B4GALT1: variants seen among roughly 807,000 people sequenced by gnomAD.
The protein encoded by B4GALT1 is N-acetyllactosamine synthase.
B4GALT1 carries 16 observed loss-of-function variants against 34.9 expected under a neutral mutation model. The observed-to-expected ratio is 0.46, with a 90% confidence interval of 0.31 to 0.70. The LOEUF is 0.70. Ranked by LOEUF, B4GALT1 falls within the 30% of genes least tolerant of loss-of-function variation. B4GALT1 has a pLI of 0.05. For missense variants in B4GALT1, 445 were observed against 530.5 expected, an observed-to-expected ratio of 0.84 and a Z score of 1.58; for synonymous variants, 221 against 218.1, an observed-to-expected ratio of 1.01 and a Z score of -0.12.
Position 33,147,198 on chromosome 9 carries a change from T to C in B4GALT1, c.413-11774A>G, listed in dbSNP as rs570546451. Among the ~76,000 whole-genome samples the C allele has an allele frequency of 1.4e-3, 210 of 151,868 alleles. 1 individual carries two copies. Among genetic ancestry groups the C allele is most frequent in the Non-Finnish European group, 2.5e-3 (170 of 67,926 alleles). ...GACATACATTTGCTGAATACAAGAA[T>C]AATATTTGTATGTAGACCTCACACT... On this transcript the variant is annotated intron_variant, in intron 1 of 5. Coordinates refer to ENST00000379731, the MANE Select transcript of B4GALT1 (RefSeq NM_001497.4).
the B4GALT1 span, among the ~76,000 whole-genome samples, chr9:33,172,919 G>A: frequency 2.0e-5 from 3 of 150,424 alleles, no homozygotes; most frequent in African/African-American, 7.4e-5. Flanking sequence ...AGCCCAACCA[G>A]GATAGGGAGG....
chr9:33,168,466 A>G (rs1373198309), upstream of B4GALT1, among the ~76,000 whole-genome samples: 1 of 152,200 alleles, frequency 6.6e-6, no homozygotes, highest in African/African-American at 2.4e-5. Context: ...AACAGTAGCT[A>G]CCTTATTTTG....
chr9:33,120,667 CAG>C, intron 2 of B4GALT1, 61 bp from the exon 3 acceptor site: 1 of 1,561,744 alleles, frequency 6.4e-7, no homozygotes. Flanking sequence ...CAAACACTCA[CAG>C]GGACTGGTGA....
intron 2 of B4GALT1, among the ~76,000 whole-genome samples, chr9:33,105,203 A>T (rs1839786940): frequency 6.6e-6 from 1 of 151,360 alleles, no homozygotes; most frequent in Non-Finnish European, 1.5e-5. Flanking sequence ...GCAATGGCCC[A>T]ATCTCGGCTC....
Position 33,112,184 on chromosome 9 carries a change from T to C in B4GALT1, c.*1270A>G, listed in dbSNP as rs1587725374. The C allele has an allele frequency of 6.6e-6, 1 of 152,102 alleles. No homozygotes were observed. The highest frequency in any genetic ancestry group is 1.5e-5 in the Non-Finnish European group (1 of 68,004). The allele number at this position is 152,102 out of a possible 1,614,324, so 9.4% of individuals were successfully genotyped here. ...TGGCTAGCAGAGCCTCTGAGGGAGG[T>C]GGCCCCCACCAGAACAGAGGCTCCC... On this transcript the variant is annotated 3_prime_UTR_variant, in exon 6 of 6. Coordinates refer to ENST00000379731, the MANE Select transcript of B4GALT1 (RefSeq NM_001497.4).
At chr9:33,147,711 T>C (rs1049071539) in intron 1 of B4GALT1, among the ~76,000 whole-genome samples, 1 of 152,160 alleles carries the variant, frequency 6.6e-6, no homozygotes, top group Non-Finnish European at 1.5e-5. Context: ...GGTGAGAGAC[T>C]GCACAAAACA....
intron 1 of B4GALT1, 147 bp downstream of exon 1, chr9:33,166,611 A>C: frequency 9.6e-7 from 1 of 1,043,166 alleles, no homozygotes; most frequent in East Asian, 2.8e-5. Flanking sequence ...TCCAGTCCCA[A>C]GCCTCTGTCT....
chr9:33,167,520 C>T (rs1182578965), upstream of B4GALT1, among the ~76,000 whole-genome samples: 4 of 152,164 alleles, frequency 2.6e-5, no homozygotes, highest in Admixed American at 1.3e-4. Context: ...TCGTGGGGTC[C>T]CCGGAGTATG....
chr9:33,119,288 A>G (rs1170018427), intron 3 of B4GALT1, among the ~76,000 whole-genome samples: 1 of 152,208 alleles, frequency 6.6e-6, no homozygotes, highest in East Asian at 1.9e-4. Flanking sequence ...TCCACCAATG[A>G]CAATATGCTT....
At chr9:33,115,930 G>T in intron 4 of B4GALT1, 61 bp downstream of exon 4, 1 of 1,579,306 alleles carries the variant, frequency 6.3e-7, no homozygotes, top group South Asian at 1.1e-5. Context: ...ACCAAGCATT[G>T]GTTAAAAAAC....
intron 3 of B4GALT1, among the ~76,000 whole-genome samples, chr9:33,119,354 T>A (rs1455005320): frequency 6.6e-6 from 1 of 152,088 alleles, no homozygotes; most frequent in Non-Finnish European, 1.5e-5. Context: ...GGCATTTTGG[T>A]GGAAAAATTT....
At chr9:33,173,854 C>G in the B4GALT1 span, among the ~76,000 whole-genome samples, 1 of 151,910 alleles carries the variant, frequency 6.6e-6, no homozygotes, top group Non-Finnish European at 1.5e-5. Context: ...CAAAAAGACA[C>G]AGAAATCAGT....
chr9:33,173,591 G>GGT, the B4GALT1 span, among the ~76,000 whole-genome samples: 25,485 of 142,986 alleles, frequency 0.18, 2,317 homozygotes, highest in African/African-American at 0.23. Context: ...AAATAAGAAT[G>GGT]GTGTGTGTGT....
the B4GALT1 span, chr9:33,179,620 A>C: frequency 2.0e-5 from 3 of 152,370 alleles, no homozygotes; most frequent in Admixed American, 2.0e-4. Context: ...CAAAAGCAAT[A>C]TGCATTCCAT....
the B4GALT1 span, among the ~76,000 whole-genome samples, chr9:33,182,741 G>T: frequency 1.3e-5 from 2 of 152,198 alleles, no homozygotes; most frequent in South Asian, 4.1e-4. Flanking sequence ...AATTCTCTTA[G>T]TGCCTTGGAT....
chr9:33,163,121 C>A (rs1377151099), intron 1 of B4GALT1, among the ~76,000 whole-genome samples: 1 of 152,158 alleles, frequency 6.6e-6, no homozygotes, highest in East Asian at 1.9e-4. Flanking sequence ...CTTTCCCAAG[C>A]CTCAAAGTAC....
intron 1 of B4GALT1, among the ~76,000 whole-genome samples, chr9:33,149,288 T>A (rs1006020251): frequency 3.4e-5 from 5 of 146,864 alleles, no homozygotes; most frequent in African/African-American, 1.2e-4. Flanking sequence ...ATTTATTTAC[T>A]TTTTTTTTTT....
upstream of B4GALT1, among the ~76,000 whole-genome samples, chr9:33,168,834 C>T (rs1840810395): frequency 6.6e-6 from 1 of 152,250 alleles, no homozygotes; most frequent in Non-Finnish European, 1.5e-5. Context: ...GCTTATTTTA[C>T]TGGCATCTCA....
At chr9:33,109,794 C>A (rs889903807), downstream of B4GALT1, among the ~76,000 whole-genome samples, 2 of 152,228 alleles carry the variant, frequency 1.3e-5, no homozygotes, top group African/African-American at 4.8e-5. Context: ...GGACACCCAG[C>A]TAGTGTCCAC....
Sources: allele counts gnomAD v4.1 joint callset (sites outside exome capture counted in the v4.1 genomes callset), GRCh38; gene constraint gnomAD v4.1.1; transcripts MANE v1.5; gene names NCBI Gene and HGNC (gene_info 2026-07-23, HGNC 2026-07-21).